ZBTB7C: variants seen among roughly 807,000 people sequenced by gnomAD.
ZBTB7C encodes zinc finger and BTB domain containing 7C, also known as zinc finger and BTB domain-containing protein 7C.
In ZBTB7C, 8 loss-of-function variants were observed where a neutral mutation model predicts 25.7. That is an observed-to-expected ratio of 0.31 (90% confidence interval 0.18 to 0.56). The LOEUF is 0.56. Ranked by LOEUF, ZBTB7C falls within the 20% of genes least tolerant of loss-of-function variation. The pLI is 0.91. For synonymous variants in ZBTB7C, 394 were observed against 369.0 expected (o/e 1.07, Z -0.78); for missense variants, 824 against 855.2 (o/e 0.96, Z 0.46).
intron 3 of ZBTB7C, among the ~76,000 whole-genome samples, chr18:48,167,563 G>GGTGT (rs748451365): frequency 0.059 from 8,435 of 142,486 alleles, 281 homozygotes; most frequent in African/African-American, 0.087. Flanking sequence ...GCATTGCTAG[G>GGTGT]GTGTGTGTGT....
intron 3 of ZBTB7C, among the ~76,000 whole-genome samples, chr18:48,170,099 A>G (rs966793420): frequency 6.6e-6 from 1 of 152,168 alleles, no homozygotes; most frequent in Non-Finnish European, 1.5e-5. Context: ...AACTTCCCCC[A>G]GCAAAATCCG....
At chr18:48,315,156 G>A (rs2144817078) in intron 2 of ZBTB7C, among the ~76,000 whole-genome samples, 1 of 152,334 alleles carries the variant, frequency 6.6e-6, no homozygotes, top group Admixed American at 6.5e-5. Flanking sequence ...TCGGAACACA[G>A]CAACTTCTGC....
chr18:48,061,734 G>T (rs569347512), intron 3 of ZBTB7C, among the ~76,000 whole-genome samples: 12 of 152,314 alleles, frequency 7.9e-5, no homozygotes, highest in Admixed American at 5.2e-4. Flanking sequence ...GAGCCCACTG[G>T]ACGGGAATGT....
At chr18:48,192,670 C>T (rs956054357) in intron 2 of ZBTB7C, among the ~76,000 whole-genome samples, 2 of 152,194 alleles carry the variant, frequency 1.3e-5, no homozygotes, top group East Asian at 1.9e-4. Context: ...CCATGTTGGC[C>T]AGGCTGGTCA....
chr18:48,032,261 G>GCC (rs2035785714), intron 4 of ZBTB7C, among the ~76,000 whole-genome samples: 1 of 150,300 alleles, frequency 6.7e-6, no homozygotes, highest in African/African-American at 2.5e-5. Flanking sequence ...TTACAGGCAT[G>GCC]CACCACCACG....
At chr18:48,183,191 C>A (rs1324355164) in intron 3 of ZBTB7C, among the ~76,000 whole-genome samples, 2 of 152,138 alleles carry the variant, frequency 1.3e-5, no homozygotes, top group African/African-American at 4.8e-5. Context: ...CGGCTCAATC[C>A]CTTCTGGAAT....
intron 3 of ZBTB7C, among the ~76,000 whole-genome samples, chr18:48,045,638 C>T (rs765491809): frequency 4.6e-5 from 7 of 152,222 alleles, no homozygotes; most frequent in Non-Finnish European, 8.8e-5. Context: ...GTCCACATCC[C>T]ATCCACACTT....
chr18:48,343,892 G>A (rs374339596), intron 1 of ZBTB7C, among the ~76,000 whole-genome samples: 8 of 152,070 alleles, frequency 5.3e-5, no homozygotes, highest in African/African-American at 9.7e-5. Context: ...TCCCTCCCCC[G>A]CCTGCTTTGG....
chr18:48,269,251 G>A lies in ZBTB7C; in HGVS notation c.-79+68923C>T, dbSNP rs930265622. Among the ~76,000 whole-genome samples the A allele has an allele frequency of 2.0e-5, 3 of 152,082 alleles. No homozygotes were observed. In the South Asian group the frequency reaches 6.2e-4, roughly 32 times the overall value. The stretch of plus-strand genomic sequence containing the variant: ...AGTGCTGGGATTACACATGTGAGCC[G>A]CCATGCCCGGCCTGCTCTGTTTCAA... On this transcript the variant is annotated intron_variant, in intron 2 of 4. Transcript: ENST00000590800.
At chr18:48,281,427 A>C (rs2144636387) in intron 2 of ZBTB7C, among the ~76,000 whole-genome samples, 1 of 152,288 alleles carries the variant, frequency 6.6e-6, no homozygotes. Context: ...AAAACACCAA[A>C]AGCAATGGCA....
chr18:48,190,410 G>A (rs2042164533), intron 2 of ZBTB7C, among the ~76,000 whole-genome samples: 1 of 152,168 alleles, frequency 6.6e-6, no homozygotes, highest in Non-Finnish European at 1.5e-5. Context: ...ATATGAAAAG[G>A]TGTGAATCCT....
At chr18:48,322,575 G>A (rs2046121963) in intron 2 of ZBTB7C, among the ~76,000 whole-genome samples, 1 of 152,192 alleles carries the variant, frequency 6.6e-6, no homozygotes, top group South Asian at 2.1e-4. Context: ...GATAAAAAGG[G>A]AACACTTCTA....
At chr18:48,304,862 A>AG (rs1337197542) in intron 2 of ZBTB7C, among the ~76,000 whole-genome samples, 4 of 151,484 alleles carry the variant, frequency 2.6e-5, no homozygotes, top group Non-Finnish European at 5.9e-5. Context: ...AAAAAAAAAA[A>AG]AGATAGCCTT....
At chr18:48,038,429 AG>A (rs1160336009) in intron 4 of ZBTB7C, among the ~76,000 whole-genome samples, 2 of 152,178 alleles carry the variant, frequency 1.3e-5, no homozygotes, top group Admixed American at 6.5e-5. Context: ...AGGAGCCTGC[AG>A]AGCTATTTCA....
chr18:48,036,705 TGGAAG>T (rs1440769017), intron 4 of ZBTB7C, among the ~76,000 whole-genome samples: 1 of 152,102 alleles, frequency 6.6e-6, no homozygotes, highest in East Asian at 1.9e-4. Flanking sequence ...GGCGTGGCCT[TGGAAG>T]GGAGTCTGGG....
At chr18:48,399,576 T>A (rs1443706416) in intron 1 of ZBTB7C, among the ~76,000 whole-genome samples, 1 of 152,196 alleles carries the variant, frequency 6.6e-6, no homozygotes, top group Non-Finnish European at 1.5e-5. Context: ...GCTCCTCAAC[T>A]GCCTTCTGGA....
At chr18:48,295,200 C>A (rs1044465977) in intron 2 of ZBTB7C, among the ~76,000 whole-genome samples, 1 of 152,196 alleles carries the variant, frequency 6.6e-6, no homozygotes, top group Non-Finnish European at 1.5e-5. Flanking sequence ...CCCAGCCATG[C>A]CCCGGAGTCT....
At chr18:48,410,435 C>G (rs1050137485), upstream of ZBTB7C, among the ~76,000 whole-genome samples, 19 of 152,166 alleles carry the variant, frequency 1.2e-4, no homozygotes, top group Non-Finnish European at 2.1e-4. Context: ...CGGGCGGGCC[C>G]GGGGAGGGCT....
At chr18:48,055,815 G>A (rs2036894973) in intron 3 of ZBTB7C, among the ~76,000 whole-genome samples, 1 of 152,120 alleles carries the variant, frequency 6.6e-6, no homozygotes, top group Non-Finnish European at 1.5e-5. Context: ...CTTGCTCTGC[G>A]ATTTTTGGTT....
Sources: allele counts gnomAD v4.1 joint callset (sites outside exome capture counted in the v4.1 genomes callset), GRCh38; gene constraint gnomAD v4.1.1; transcripts MANE v1.5; gene names NCBI Gene and HGNC (gene_info 2026-07-23, HGNC 2026-07-21).